Variants in PPHLN1 observed in about 807,000 individuals in gnomAD.
PPHLN1 encodes periphilin 1, also known as periphilin-1.
In PPHLN1, 29 loss-of-function variants were observed where a neutral mutation model predicts 51.3. The observed-to-expected ratio is 0.57, with a 90% CI of 0.42 to 0.77. The LOEUF (loss-of-function observed/expected upper bound fraction) is 0.77. PPHLN1 is among the 30% of genes least tolerant of loss of function. The pLI is 0.00. For missense variants in PPHLN1, 436 were observed against 438.4 expected (o/e 0.99, Z 0.05); for synonymous variants, 147 against 147.8 (o/e 0.99, Z 0.04).
At chr12:42,389,245 C>T (rs1045706904) in intron 7 of PPHLN1, among the ~76,000 whole-genome samples, 13 of 152,142 alleles carry the variant, frequency 8.5e-5, no homozygotes, top group Admixed American at 3.9e-4. Context: ...TGGTGGCAGG[C>T]GCCTGTAGTC....
chr12:42,382,769 A>G (rs17091147), intron 5 of PPHLN1, among the ~76,000 whole-genome samples: 4,236 of 152,320 alleles, frequency 0.028, 217 homozygotes, highest in African/African-American at 0.097. Flanking sequence ...GTGCAAACAG[A>G]AGTACAAAGA....
intron 9 of PPHLN1, among the ~76,000 whole-genome samples, chr12:42,412,731 C>T (rs911542658): frequency 6.6e-6 from 1 of 152,192 alleles, no homozygotes; most frequent in Non-Finnish European, 1.5e-5. Flanking sequence ...TAGTAATTTA[C>T]ATTCCCACCA....
At chr12:42,368,906 T>C (rs2075537758) in intron 4 of PPHLN1, among the ~76,000 whole-genome samples, 1 of 152,220 alleles carries the variant, frequency 6.6e-6, no homozygotes, top group African/African-American at 2.4e-5. Context: ...GTGGGAAATA[T>C]GAAGCTGTAG....
At chr12:42,435,461 T>C (rs1033607477) in intron 9 of PPHLN1, among the ~76,000 whole-genome samples, 30 of 152,350 alleles carry the variant, frequency 2.0e-4, no homozygotes, top group Admixed American at 1.8e-3. Flanking sequence ...AAGATATCTT[T>C]TTCTATTAAT....
chr12:42,426,216 A>ACACACACACACACACG (rs2081464690), intron 9 of PPHLN1, among the ~76,000 whole-genome samples: 1 of 135,058 alleles, frequency 7.4e-6, no homozygotes, highest in East Asian at 2.2e-4. Flanking sequence ...ACACACACAC[A>ACACACACACACACACG]CACACACACA....
chr12:42,445,766 G>C (rs2083281872), downstream of PPHLN1: 1 of 534,546 alleles, frequency 1.9e-6, no homozygotes, highest in African/African-American at 1.9e-5. Flanking sequence ...TAAAGACCCT[G>C]CAACACTACT....
At chr12:42,352,363 A>G (rs1201599371) in intron 3 of PPHLN1, among the ~76,000 whole-genome samples, 1 of 151,840 alleles carries the variant, frequency 6.6e-6, no homozygotes, top group Non-Finnish European at 1.5e-5. Context: ...CTTAGTACTT[A>G]ATAAGTGATG....
intron 3 of PPHLN1, among the ~76,000 whole-genome samples, chr12:42,353,821 T>C (rs754911887): frequency 7.2e-5 from 11 of 152,014 alleles, no homozygotes; most frequent in Non-Finnish European, 1.3e-4. Flanking sequence ...ATGAAAATGA[T>C]TTTTTTTCTA....
Position 42,393,559 on chromosome 12 carries a change from A to C in PPHLN1, c.649-11A>C. ...TTGAGAATTGTAACAGAAATGTTCT[A>C]TTTTTATTAGGTGTTAGACAAACCC... On this transcript the variant is annotated splice_polypyrimidine_tract_variant and intron_variant, in intron 7 of 9. Coordinates refer to ENST00000358314, the MANE Select transcript of PPHLN1 (RefSeq NM_201439.2). 1 of 1,580,092 alleles carries C rather than the reference A, an allele frequency of 6.3e-7. No homozygotes were observed. Among genetic ancestry groups the C allele is most frequent in the Non-Finnish European group, 8.6e-7 (1 of 1,168,540 alleles).
At chr12:42,440,645 G>T (rs1192083476) in intron 9 of PPHLN1, among the ~76,000 whole-genome samples, 1 of 152,220 alleles carries the variant, frequency 6.6e-6, no homozygotes, top group East Asian at 1.9e-4. Flanking sequence ...TACTTTGGAG[G>T]CTCTAGGGAG....
At chr12:42,395,449 A>G (rs952306936) in intron 8 of PPHLN1, among the ~76,000 whole-genome samples, 1 of 152,142 alleles carries the variant, frequency 6.6e-6, no homozygotes, top group African/African-American at 2.4e-5. Context: ...AATTTTTGAG[A>G]TAATTTTTGT....
chr12:42,427,372 T>C (rs1417907932), intron 9 of PPHLN1, among the ~76,000 whole-genome samples: 1 of 152,178 alleles, frequency 6.6e-6, no homozygotes. Flanking sequence ...CAAACTATAC[T>C]GTAAGGCCAT....
chr12:42,446,225 A>C, downstream of PPHLN1: 1 of 1,612,726 alleles, frequency 6.2e-7, no homozygotes, highest in Non-Finnish European at 8.5e-7. Context: ...CCGAACACAG[A>C]CACCATTCAC....
At chr12:42,439,539 A>G (rs574534359) in intron 9 of PPHLN1, among the ~76,000 whole-genome samples, 6 of 152,316 alleles carry the variant, frequency 3.9e-5, no homozygotes, top group Middle Eastern at 3.4e-3. Context: ...TTTTGAGACA[A>G]GGTCTCGCTC....
At chr12:42,329,188 C>G (rs1391044908) in intron 1 of PPHLN1, among the ~76,000 whole-genome samples, 2 of 151,576 alleles carry the variant, frequency 1.3e-5, no homozygotes, top group African/African-American at 2.4e-5. Context: ...TGCAAGCTCC[C>G]CCTCCCGGGT....
chr12:42,398,950 A>G lies in PPHLN1; in HGVS notation c.865A>G (p.Thr289Ala). The G allele has an allele frequency of 1.9e-6, 3 of 1,614,052 alleles. No homozygotes were observed. Among genetic ancestry groups the G allele is most frequent in the Non-Finnish European group, 2.5e-6 (3 of 1,179,906 alleles). Reference protein sequence around the residue: ...IELFEDSQLTTRSKAIASKTK... With the variant: ...IELFEDSQLTARSKAIASKTK... Reference sequence around the variant, plus strand: ...ATTATTTGAAGATAGTCAGCTAACCACTCGCTCTAAAGCAATAGCATCAAA... The same window carrying G: ...ATTATTTGAAGATAGTCAGCTAACCGCTCGCTCTAAAGCAATAGCATCAAA... Residue 289 changes from threonine (T) to alanine (A), a missense_variant, in exon 9 of 10, where the codon ACT (threonine) becomes GCT (alanine). By Grantham distance (58) the Thr-to-Ala change is moderately conservative. Coordinates refer to ENST00000358314, the MANE Select transcript of PPHLN1 (RefSeq NM_201439.2).
At chr12:42,349,412 AT>A (rs949518243) in intron 2 of PPHLN1, among the ~76,000 whole-genome samples, 12 of 97,878 alleles carry the variant, frequency 1.2e-4, no homozygotes, top group African/African-American at 5.6e-4. Flanking sequence ...TGTTTTTTAA[AT>A]TTTTTTAGTA....
At chr12:42,422,642 AT>A (rs547040064) in intron 9 of PPHLN1, among the ~76,000 whole-genome samples, 176 of 152,358 alleles carry the variant, frequency 1.2e-3, no homozygotes, top group African/African-American at 4.1e-3. Context: ...AATAGTTCAA[AT>A]TTAAAAAATC....
In PPHLN1 at chr12:42,351,946, G is replaced by C. The variant is rs754691403; in HGVS notation, c.134G>C (p.Gly45Ala). 1.3e-6 allele frequency: 2 copies of C among 1,588,496 alleles called. No homozygotes were observed. The highest frequency in any genetic ancestry group is 1.7e-6 in the Non-Finnish European group (2 of 1,171,240). The change falls in exon 3 of 10, where the codon GGT becomes GCT. Residue 45 changes from glycine (G) to alanine (A), a missense_variant. By Grantham distance (60) the Gly-to-Ala change is moderately conservative. Coordinates refer to ENST00000358314, the MANE Select transcript of PPHLN1 (RefSeq NM_201439.2). ...AAACCACCACTGCTAGACAGACCTG[G>C]TGAAGGAAGCTACAATAGATATTAC... is the stretch of plus-strand genomic sequence containing the variant. ...PKKPPLLDRP[G>A]EGSYNRYYSH... is the part of the protein sequence containing the mutation.
Sources: allele counts gnomAD v4.1 joint callset (sites outside exome capture counted in the v4.1 genomes callset), GRCh38; gene constraint gnomAD v4.1.1; transcripts MANE v1.5; gene names NCBI Gene and HGNC (gene_info 2026-07-23, HGNC 2026-07-21).